Variants in SAMD12 observed in about 807,000 individuals in gnomAD.
SAMD12 encodes sterile alpha motif domain-containing protein 12.
A neutral mutation model predicts 15.0 loss-of-function variants in SAMD12; 9 were observed. The observed-to-expected ratio is 0.60, with a 90% CI of 0.36 to 1.05. The LOEUF is 1.05. Among genes scored for constraint, SAMD12 ranks in the 50% least tolerant of loss-of-function variants. SAMD12 has a pLI of 0.01. For synonymous variants in SAMD12, 86 were observed against 90.1 expected, an observed-to-expected ratio of 0.96 and a Z score of 0.25; for missense variants, 230 against 234.2, an observed-to-expected ratio of 0.98 and a Z score of 0.12.
intron 4 of SAMD12, among the ~76,000 whole-genome samples, chr8:118,313,895 GTA>G (rs891638378): frequency 3.9e-5 from 6 of 151,958 alleles, no homozygotes; most frequent in African/African-American, 1.5e-4. Flanking sequence ...TTGTGTGTGT[GTA>G]TGTGTGTGTG....
At chr8:118,593,446 G>C (rs558536620) in intron 1 of SAMD12, among the ~76,000 whole-genome samples, 1 of 152,212 alleles carries the variant, frequency 6.6e-6, no homozygotes, top group Admixed American at 6.5e-5. Context: ...AATGTACCTT[G>C]GTCCATCTTT....
chr8:118,548,008 T>G (rs1826181372), intron 2 of SAMD12, among the ~76,000 whole-genome samples: 1 of 152,072 alleles, frequency 6.6e-6, no homozygotes, highest in Non-Finnish European at 1.5e-5. Context: ...TCACTCGAGG[T>G]TACCAAACCC....
downstream of SAMD12, among the ~76,000 whole-genome samples, chr8:118,186,555 A>AT (rs5894417): frequency 0.58 from 85,382 of 146,692 alleles, 25,079 homozygotes; most frequent in Middle Eastern, 0.7. Flanking sequence ...GTTACCCTCC[A>AT]TTTTTTTTTT....
At chr8:118,267,607 G>T (rs116976153) in intron 4 of SAMD12, among the ~76,000 whole-genome samples, 2,548 of 152,044 alleles carry the variant, frequency 0.017, 36 homozygotes, top group East Asian at 0.074. Context: ...TATTCTCACT[G>T]ATTTGGCTTT....
chr8:118,327,988 A>G (rs1445619104), intron 4 of SAMD12, among the ~76,000 whole-genome samples: 2 of 152,226 alleles, frequency 1.3e-5, no homozygotes, highest in African/African-American at 2.4e-5. Context: ...GTCTTATTAT[A>G]GATACTATAT....
downstream of SAMD12, among the ~76,000 whole-genome samples, chr8:118,374,686 A>C (rs1819287747): frequency 6.6e-6 from 1 of 151,962 alleles, no homozygotes; most frequent in African/African-American, 2.4e-5. Context: ...AATGGGTGTG[A>C]GATGATGTGT....
At chr8:118,360,740 T>C (rs529449264) in intron 4 of SAMD12, among the ~76,000 whole-genome samples, 2 of 152,340 alleles carry the variant, frequency 1.3e-5, no homozygotes, top group South Asian at 2.1e-4. Flanking sequence ...CAAACTCTAC[T>C]CGTGCTAGGG....
chr8:118,538,756 G>C (rs1563570592), intron 2 of SAMD12, among the ~76,000 whole-genome samples: 1 of 152,142 alleles, frequency 6.6e-6, no homozygotes, highest in Non-Finnish European at 1.5e-5. Context: ...TCCTACGAAG[G>C]TGCTCTTTGT....
Position 118,530,318 on chromosome 8 carries a change from A to G in SAMD12, c.192+50397T>C, listed in dbSNP as rs114223966. 5.8e-3 allele frequency among the ~76,000 whole-genome samples: 876 copies of G among 152,252 alleles called. 9 individuals carry two copies. Among genetic ancestry groups the G allele is most frequent in the African/African-American group, 0.02 (839 of 41,544 alleles). ...TGGTGTACAGATAATTTTGTCACTG[A>G]GGTAATCAGCATAATATCTGATAGG... On this transcript the variant is annotated intron_variant, in intron 2 of 3. Coordinates refer to ENST00000314727, the MANE Select transcript of SAMD12 (RefSeq NM_207506.3).
At position 118,266,076 on chromosome 8, in the gene SAMD12, C is replaced by T. The variant is rs949397124; in HGVS notation, c.434-68344G>A. Among the ~76,000 whole-genome samples, 7 of 152,008 alleles carry T rather than the reference C, an allele frequency of 4.6e-5. No individual in the cohort carries two copies. The East Asian group carries it at 9.7e-4, about 21-fold the overall frequency. ...ACAATCATGGCAGAGGGGAAAGAGG[C>T]ATGTCTTATATGGTGGCAGGCAAGA... On this transcript the variant is annotated intron_variant, in intron 4 of 4. Coordinates refer to the SAMD12 transcript ENST00000409003.
At chr8:118,390,786 G>A (rs979782356) in intron 3 of SAMD12, among the ~76,000 whole-genome samples, 25 of 152,168 alleles carry the variant, frequency 1.6e-4, no homozygotes, top group Non-Finnish European at 2.8e-4. Flanking sequence ...GGCCAAGGAA[G>A]AGAAGGGTTA....
intron 2 of SAMD12, among the ~76,000 whole-genome samples, chr8:118,553,020 G>A (rs866488333): frequency 6.6e-6 from 1 of 151,926 alleles, no homozygotes; most frequent in Non-Finnish European, 1.5e-5. Context: ...CACTGCTCAA[G>A]GAAATAAAAG....
At chr8:118,476,356 G>A (rs561523707) in intron 2 of SAMD12, among the ~76,000 whole-genome samples, 68 of 152,214 alleles carry the variant, frequency 4.5e-4, no homozygotes, top group Admixed American at 4.4e-3. Flanking sequence ...AATGTGGGCA[G>A]CATCTGGGTT....
At chr8:118,217,178 A>AT (rs1349713859) in intron 4 of SAMD12, among the ~76,000 whole-genome samples, 1 of 152,048 alleles carries the variant, frequency 6.6e-6, no homozygotes, top group Non-Finnish European at 1.5e-5. Context: ...TAATTTTTGT[A>AT]TTTTTAGTAG....
chr8:118,444,554 T>C (rs1822853094), intron 2 of SAMD12, among the ~76,000 whole-genome samples: 1 of 151,484 alleles, frequency 6.6e-6, no homozygotes, highest in Admixed American at 6.6e-5. Context: ...TTTTTTTTGG[T>C]AAATGATTTC....
the SAMD12 span, among the ~76,000 whole-genome samples, chr8:118,173,406 A>G: frequency 1.3e-5 from 2 of 152,068 alleles, no homozygotes; most frequent in African/African-American, 4.8e-5. Context: ...TTAGCTTAAA[A>G]TTGGTGCCCC....
intron 4 of SAMD12, among the ~76,000 whole-genome samples, chr8:118,305,178 C>CAAAA (rs1815273607): frequency 8.7e-6 from 1 of 114,686 alleles, no homozygotes; most frequent in East Asian, 2.6e-4. Context: ...AAAAAAAAGT[C>CAAAA]CAGTTCAGTG....
At chr8:118,193,493 A>G (rs962727792) in exon 5 of SAMD12, 2 of 152,202 alleles carry the variant, frequency 1.3e-5, no homozygotes, top group Non-Finnish European at 2.9e-5. Flanking sequence ...CCTTTGAAAT[A>G]GAGTCCTTAG....
intron 2 of SAMD12, among the ~76,000 whole-genome samples, chr8:118,441,417 C>T (rs994643044): frequency 2.0e-5 from 3 of 149,520 alleles, no homozygotes; most frequent in Admixed American, 6.7e-5. Context: ...GGAAGTAATA[C>T]GGAAGCGATT....
Sources: allele counts gnomAD v4.1 joint callset (sites outside exome capture counted in the v4.1 genomes callset), GRCh38; gene constraint gnomAD v4.1.1; transcripts MANE v1.5; gene names NCBI Gene and HGNC (gene_info 2026-07-23, HGNC 2026-07-21).